Variants in PRSS38 observed in about 807,000 individuals in gnomAD.
The protein encoded by PRSS38 is marapsin 2.
Under a neutral mutation model 26.8 loss-of-function variants are expected in PRSS38, and 22 were observed. The ratio of observed to expected loss-of-function variants is 0.82; its 90% confidence interval spans 0.59 to 1.17. The LOEUF is 1.17. PRSS38 is among the 50% of genes most tolerant of loss of function. The probability of loss-of-function intolerance (pLI) is 0.00; values close to 1 mark genes in which losing one functional copy is unlikely to be tolerated. For missense variants in PRSS38, 427 were observed against 422.7 expected, an observed-to-expected ratio of 1.01 and a Z score of -0.09; for synonymous variants, 175 against 172.1, an observed-to-expected ratio of 1.02 and a Z score of -0.13.
intron 3 of PRSS38, among the ~76,000 whole-genome samples, chr1:227,827,368 T>C (rs1209014421): frequency 6.6e-6 from 1 of 152,194 alleles, no homozygotes; most frequent in Non-Finnish European, 1.5e-5. Flanking sequence ...AACTTGTTAT[T>C]GGTCTGTTCA....
At chr1:227,835,207 G>A (rs1172858645) in intron 3 of PRSS38, among the ~76,000 whole-genome samples, 1 of 152,204 alleles carries the variant, frequency 6.6e-6, no homozygotes, top group Non-Finnish European at 1.5e-5. Context: ...AGAAAGCAGA[G>A]CCCTCGTTCA....
intron 3 of PRSS38, among the ~76,000 whole-genome samples, chr1:227,837,956 C>T (rs984451897): frequency 1.3e-5 from 2 of 152,054 alleles, no homozygotes; most frequent in African/African-American, 4.8e-5. Context: ...GGGTCTTGCT[C>T]TATTTCCCAG....
intron 3 of PRSS38, among the ~76,000 whole-genome samples, chr1:227,839,651 C>A (rs967378756): frequency 1.3e-5 from 2 of 152,276 alleles, no homozygotes; most frequent in East Asian, 3.9e-4. Context: ...CTCAGACTGG[C>A]GACAGTTTTA....
In PRSS38 at chr1:227,826,350, C is replaced by T. The variant is rs185390317; in HGVS notation, c.583+8870C>T. Among the ~76,000 whole-genome samples the T allele has an allele frequency of 1.5e-3, 222 of 152,266 alleles. 1 individual carries two copies. Among genetic ancestry groups the T allele is most frequent in the African/African-American group, 5.1e-3 (212 of 41,558 alleles). Reference sequence around the variant, plus strand: ...AAAGATAATTTGACTACTTCTCTTCCTATTTGAACACCGTTGATTTCTTTC... The same window carrying T: ...AAAGATAATTTGACTACTTCTCTTCTTATTTGAACACCGTTGATTTCTTTC... On this transcript the variant is annotated intron_variant, in intron 3 of 4. Coordinates refer to ENST00000366757, the Ensembl canonical transcript of PRSS38.
At chr1:227,823,774 ACTT>A (rs1159311328) in intron 3 of PRSS38, among the ~76,000 whole-genome samples, 2 of 152,166 alleles carry the variant, frequency 1.3e-5, no homozygotes, top group Non-Finnish European at 2.9e-5. Flanking sequence ...CTGGCACTAT[ACTT>A]CTTGTACAGT....
intron 3 of PRSS38, among the ~76,000 whole-genome samples, chr1:227,833,073 T>C (rs1451805871): frequency 1.3e-5 from 2 of 152,208 alleles, no homozygotes; most frequent in Non-Finnish European, 2.9e-5. Flanking sequence ...TGTTCATGGA[T>C]TGGGAGACTT....
chr1:227,832,877 T>C (rs1445631779), intron 3 of PRSS38, among the ~76,000 whole-genome samples: 1 of 152,212 alleles, frequency 6.6e-6, no homozygotes, highest in African/African-American at 2.4e-5. Context: ...GTTGTGCTTC[T>C]ATACAACCTC....
chr1:227,843,132 G>C (rs1014411587), intron 3 of PRSS38, among the ~76,000 whole-genome samples: 1 of 152,132 alleles, frequency 6.6e-6, no homozygotes, highest in African/African-American at 2.4e-5. Flanking sequence ...CCTTCTCTTG[G>C]CAGAATTAGT....
chr1:227,832,373 T>A (rs1665165538), intron 3 of PRSS38, among the ~76,000 whole-genome samples: 1 of 152,230 alleles, frequency 6.6e-6, no homozygotes, highest in South Asian at 2.1e-4. Context: ...CTCTCTTTCC[T>A]CTATTCATTT....
chr1:227,843,720 T>G (rs1665372845), intron 3 of PRSS38, among the ~76,000 whole-genome samples: 1 of 139,548 alleles, frequency 7.2e-6, no homozygotes, highest in African/African-American at 2.7e-5. Flanking sequence ...AAAAAAAATG[T>G]CAAACAAACA....
chr1:227,830,881 G>A (rs753301791), intron 3 of PRSS38, among the ~76,000 whole-genome samples: 38 of 151,968 alleles, frequency 2.5e-4, no homozygotes, highest in Non-Finnish European at 5.3e-4. Flanking sequence ...AAGGATAGTA[G>A]TAATATTTCA....
At chr1:227,818,576 G>A (rs1664955539) in intron 3 of PRSS38, among the ~76,000 whole-genome samples, 1 of 148,332 alleles carries the variant, frequency 6.7e-6, no homozygotes, top group Non-Finnish European at 1.5e-5. Flanking sequence ...TACTCAGGAG[G>A]CTAACGTGGA....
rs199598990 is a variant in PRSS38 at position 227,836,699 on chromosome 1, A to T, written c.584-8771A>T. ...GAGACTCCGTCTCAAAAAAAAAAAA[A>T]AATAAAATAAAAGCTTCCATAACAG... On this transcript the variant is annotated intron_variant, in intron 3 of 4. Coordinates refer to ENST00000366757, the Ensembl canonical transcript of PRSS38. Among the ~76,000 whole-genome samples, 3 of 3,876 alleles carry T rather than the reference A, an allele frequency of 7.7e-4. 1 individual carries two copies. The highest frequency in any genetic ancestry group is 1.7e-3 in the African/African-American group (2 of 1,178). The allele number at this position is 3,876 out of a possible 152,430, so 2.5% of individuals were successfully genotyped here.
rs577099073 is a variant in PRSS38 at position 227,845,875 on chromosome 1, C to T, written c.727-79C>T. 3.2e-6 allele frequency: 5 copies of T among 1,570,122 alleles called. No individual in the cohort carries two copies. In the African/African-American group the frequency reaches 4.0e-5, roughly 13 times the overall value. ...CCAGCAGGGTCTGCACAGCCACCCC[C>T]TTGCACCCTGGGGGACAGGTGCAGG... On this transcript the variant is annotated intron_variant, in intron 4 of 4. Coordinates refer to ENST00000366757, the Ensembl canonical transcript of PRSS38.
intron 3 of PRSS38, among the ~76,000 whole-genome samples, chr1:227,827,480 G>T (rs1447055617): frequency 6.6e-6 from 1 of 152,106 alleles, no homozygotes; most frequent in Non-Finnish European, 1.5e-5. Context: ...CTGCATAGAA[G>T]TGTTTATAGT....
Position 227,816,629 on chromosome 1 carries a change from G to A in PRSS38, c.311+377G>A, listed in dbSNP as rs1166220433. On this transcript the variant is annotated intron_variant, in intron 2 of 4. Transcript: ENST00000366757. This position sits in a 1 kb window ranked among gnomAD's most constrained non-coding sequence, Gnocchi z 5.1. ...GCTGGTCCCCTAAGTGCACGACCAG[G>A]TCCCCACGAGTGAGGCTGGTCCTCA... 6.6e-6 allele frequency among the ~76,000 whole-genome samples: 1 copy of A among 151,874 alleles called. No homozygotes were observed. The highest frequency in any genetic ancestry group is 1.5e-5 in the Non-Finnish European group (1 of 67,988).
intron 3 of PRSS38, among the ~76,000 whole-genome samples, chr1:227,832,128 A>G (rs1320768940): frequency 6.6e-6 from 1 of 152,184 alleles, no homozygotes; most frequent in African/African-American, 2.4e-5. Flanking sequence ...CTGTCTTACA[A>G]TTACTATTTG....
intron 3 of PRSS38, among the ~76,000 whole-genome samples, chr1:227,817,874 G>T (rs1444873016): frequency 3.9e-5 from 6 of 152,090 alleles, no homozygotes; most frequent in Non-Finnish European, 4.4e-5. Context: ...CAATATTTAG[G>T]TCTATTCAAA....
At chr1:227,834,622 T>C (rs1402952441) in intron 3 of PRSS38, among the ~76,000 whole-genome samples, 1 of 151,824 alleles carries the variant, frequency 6.6e-6, no homozygotes, top group Non-Finnish European at 1.5e-5. Flanking sequence ...TGAGCCGAGA[T>C]TGCACCACTG....
Sources: allele counts gnomAD v4.1 joint callset (sites outside exome capture counted in the v4.1 genomes callset), GRCh38; gene constraint gnomAD v4.1.1; non-coding constraint Gnocchi (gnomAD v3.1); transcripts MANE v1.5; gene names NCBI Gene and HGNC (gene_info 2026-07-23, HGNC 2026-07-21).